ERBB4: variants seen among roughly 807,000 people sequenced by gnomAD.
ERBB4 encodes the protein receptor tyrosine-protein kinase erbB-4.
A neutral mutation model predicts 158.0 loss-of-function variants in ERBB4; 42 were observed. The observed-to-expected ratio is 0.27, with a 90% CI of 0.21 to 0.34. The LOEUF (loss-of-function observed/expected upper bound fraction) is 0.34. Ranked by LOEUF, ERBB4 falls within the 10% of genes least tolerant of loss-of-function variation. ERBB4 has a pLI of 1.00. For synonymous variants in ERBB4, 583 were observed against 558.7 expected (o/e 1.04, Z -0.61); for missense variants, 1,333 against 1,624.1 (o/e 0.82, Z 3.08).
At chr2:211,778,660 G>T (rs1418642160) in intron 4 of ERBB4, 1 of 152,104 alleles carries the variant, frequency 6.6e-6, no homozygotes, top group Non-Finnish European at 1.5e-5. Flanking sequence ...TCCCCCTTTA[G>T]CAGGAAACCT....
At chr2:212,234,335 G>A (rs1328498855) in intron 1 of ERBB4, among the ~76,000 whole-genome samples, 2 of 152,114 alleles carry the variant, frequency 1.3e-5, no homozygotes, top group African/African-American at 4.8e-5. Flanking sequence ...TGGCTGCATA[G>A]TATTCCATGG....
At chr2:212,145,053 G>A (rs1408077770) in intron 1 of ERBB4, among the ~76,000 whole-genome samples, 1 of 152,098 alleles carries the variant, frequency 6.6e-6, no homozygotes, top group Non-Finnish European at 1.5e-5. Flanking sequence ...CAGAATTAAG[G>A]AATCTGTGTT....
intron 12 of ERBB4, among the ~76,000 whole-genome samples, chr2:211,685,868 T>G (rs1159411659): frequency 6.6e-6 from 1 of 152,170 alleles, no homozygotes; most frequent in Non-Finnish European, 1.5e-5. Context: ...AAGTATTTCA[T>G]CTTTTAAGTA....
intron 12 of ERBB4, 33 bp from the exon 13 acceptor site, chr2:211,679,217 CAG>C (rs1233822957): frequency 6.2e-7 from 1 of 1,611,266 alleles, no homozygotes. Flanking sequence ...GGAAATAAAA[CAG>C]AGGATTGTGT....
chr2:211,871,054 T>G (rs1239936410), intron 3 of ERBB4, among the ~76,000 whole-genome samples: 3 of 152,144 alleles, frequency 2.0e-5, no homozygotes, highest in African/African-American at 7.2e-5. Flanking sequence ...AGTGCTATAT[T>G]TGAAGGTGAG....
intron 1 of ERBB4, among the ~76,000 whole-genome samples, chr2:212,133,408 T>TG (rs2080169574): frequency 2.4e-5 from 3 of 124,572 alleles, no homozygotes; most frequent in African/African-American, 1.3e-4. Flanking sequence ...TTTTTTTTTG[T>TG]TTTGTTTTGT....
chr2:211,714,522 C>G (rs2073830634), intron 7 of ERBB4, among the ~76,000 whole-genome samples: 1 of 152,138 alleles, frequency 6.6e-6, no homozygotes, highest in Admixed American at 6.5e-5. Flanking sequence ...ACCCAAGAGG[C>G]TCTATGATAT....
intron 1 of ERBB4, among the ~76,000 whole-genome samples, chr2:212,472,689 A>G (rs1474922922): frequency 6.6e-6 from 1 of 151,886 alleles, no homozygotes; most frequent in African/African-American, 2.4e-5. Flanking sequence ...CTTTTTAAAT[A>G]TAGTAAAAAT....
chr2:211,682,753 T>C (rs1194947156), intron 12 of ERBB4, among the ~76,000 whole-genome samples: 1 of 152,198 alleles, frequency 6.6e-6, no homozygotes, highest in African/African-American at 2.4e-5. Context: ...TTTAATGTAC[T>C]TGTGCTTTTA....
intron 1 of ERBB4, among the ~76,000 whole-genome samples, chr2:212,210,385 A>G (rs2105925123): frequency 6.6e-6 from 1 of 152,220 alleles, no homozygotes; most frequent in Admixed American, 6.5e-5. Context: ...TGGTAACTAA[A>G]GAGTCTCACT....
chr2:211,807,788 T>C (rs2076655734), intron 3 of ERBB4, among the ~76,000 whole-genome samples: 1 of 152,206 alleles, frequency 6.6e-6, no homozygotes, highest in African/African-American at 2.4e-5. Flanking sequence ...CCAGCATCTG[T>C]TGTTTCCTGA....
At chr2:211,849,696 T>C (rs1239588771) in intron 3 of ERBB4, among the ~76,000 whole-genome samples, 1 of 151,950 alleles carries the variant, frequency 6.6e-6, no homozygotes, top group African/African-American at 2.4e-5. Flanking sequence ...TTACTATTAA[T>C]GTGAAAAATT....
chr2:211,780,095 C>A (rs2075996813), intron 4 of ERBB4, among the ~76,000 whole-genome samples: 1 of 152,162 alleles, frequency 6.6e-6, no homozygotes, highest in Non-Finnish European at 1.5e-5. Flanking sequence ...GGCGCAGTGG[C>A]TCATGCCTGT....
At position 212,174,809 on chromosome 2, in the gene ERBB4, C is replaced by G. The variant is rs184867993; in HGVS notation, c.83-49906G>C. ...TAAACAGGACCTCAATTCCCAACAC[C>G]GCTCTCTTAAAGAATTTAAATTGCT... is the stretch of plus-strand genomic sequence containing the variant. On this transcript the variant is annotated intron_variant, in intron 1 of 27. Transcript: ENST00000342788. Among the ~76,000 whole-genome samples the G allele has an allele frequency of 3.3e-5, 5 of 151,994 alleles. No individual in the cohort carries two copies. The East Asian group carries it at 5.8e-4, about 18-fold the overall frequency.
intron 5 of ERBB4, among the ~76,000 whole-genome samples, chr2:211,736,522 A>C (rs976031134): frequency 7.2e-5 from 11 of 152,210 alleles, no homozygotes; most frequent in Admixed American, 4.6e-4. Context: ...CAAATTAAGA[A>C]ATTAGAGAAA....
At chr2:212,087,071 A>G (rs1021482368) in intron 2 of ERBB4, among the ~76,000 whole-genome samples, 2 of 151,922 alleles carry the variant, frequency 1.3e-5, no homozygotes, top group African/African-American at 4.8e-5. Context: ...AGAGAAAGGG[A>G]GCTTAAAAAG....
chr2:212,102,090 T>TTA (rs57567965), intron 2 of ERBB4, among the ~76,000 whole-genome samples: 1,903 of 107,942 alleles, frequency 0.018, 81 homozygotes, highest in African/African-American at 0.026. Context: ...AAAATTTATT[T>TTA]TATATATATA....
chr2:212,476,503 G>A (rs1034922959), intron 1 of ERBB4, among the ~76,000 whole-genome samples: 1 of 152,066 alleles, frequency 6.6e-6, no homozygotes, highest in African/African-American at 2.4e-5. Context: ...TGGTTATACT[G>A]ATTCATGGTA....
intron 5 of ERBB4, among the ~76,000 whole-genome samples, chr2:211,739,785 T>C (rs2074729338): frequency 6.6e-6 from 1 of 152,130 alleles, no homozygotes; most frequent in African/African-American, 2.4e-5. Context: ...GGCTATTTTA[T>C]TAAATGTATT....
Sources: gnomAD v4.1 joint callset for allele counts (sites outside exome capture counted in the v4.1 genomes callset) on GRCh38, gnomAD v4.1.1 for gene constraint, MANE v1.5 for transcripts, NCBI Gene and HGNC (gene_info 2026-07-23, HGNC 2026-07-21) for gene names.